The following ADAM10 variants were observed in gnomAD, a reference collection of about 807,000 sequenced individuals.
The protein encoded by ADAM10 is disintegrin and metalloproteinase domain-containing protein 10.
ADAM10 carries 17 observed loss-of-function variants against 90.1 expected under a neutral mutation model. The ratio of observed to expected loss-of-function variants is 0.19; its 90% CI spans 0.13 to 0.28. ADAM10 has a LOEUF of 0.28. Among genes scored for constraint, ADAM10 ranks in the 10% least tolerant of loss-of-function variants. ADAM10 has a pLI of 1.00. For missense variants in ADAM10, 610 were observed against 914.3 expected, an observed-to-expected ratio of 0.67 and a Z score of 4.29; for synonymous variants, 310 against 298.6, an observed-to-expected ratio of 1.04 and a Z score of -0.40.
Position 58,610,055 on chromosome 15 carries a change from A to C in ADAM10, c.2025+242T>G, listed in dbSNP as rs77847426. ...AGTAACCCATCCAGGAGATGAACTA[A>C]GGAGCACGGTAAAACAGAATGACTC... On this transcript the variant is annotated intron_variant, in intron 14 of 15. Transcript: ENST00000260408. 3.9e-3 allele frequency: 2,022 copies of C among 524,408 alleles called. 49 individuals are homozygous for C. The highest frequency in any genetic ancestry group is 0.035 in the African/African-American group (1,780 of 51,400). 32.5% of individuals were successfully genotyped at this position (524,408 alleles called of 1,614,324 possible). A position where few individuals can be genotyped will look rare whatever the true frequency, so the allele number is the denominator to read the frequency against.
chr15:58,722,663 G>C (rs1430938555), intron 1 of ADAM10, among the ~76,000 whole-genome samples: 1 of 150,222 alleles, frequency 6.7e-6, no homozygotes, highest in Non-Finnish European at 1.5e-5. Flanking sequence ...CTTGAAATCA[G>C]CCATGAAGGG....
chr15:58,713,727 G>A (rs8028872), intron 2 of ADAM10, among the ~76,000 whole-genome samples: 6,903 of 152,030 alleles, frequency 0.045, 523 homozygotes, highest in African/African-American at 0.16. Context: ...TTTCCTTAAC[G>A]ACTATGGCAC....
intron 1 of ADAM10, among the ~76,000 whole-genome samples, chr15:58,729,072 T>C (rs780597027): frequency 3.9e-5 from 6 of 151,956 alleles, no homozygotes; most frequent in African/African-American, 9.7e-5. Context: ...TAAAAGAAAA[T>C]ATGAGCCATG....
intron 15 of ADAM10, among the ~76,000 whole-genome samples, chr15:58,598,285 A>G (rs1895011285): frequency 6.6e-6 from 1 of 152,260 alleles, no homozygotes; most frequent in East Asian, 1.9e-4. Context: ...TACACATAAA[A>G]TGTTTCACTG....
chr15:58,722,535 A>AG (rs1227960838), intron 1 of ADAM10, among the ~76,000 whole-genome samples: 8 of 149,466 alleles, frequency 5.4e-5, no homozygotes, highest in Non-Finnish European at 1.2e-4. Flanking sequence ...CCTATCTCAA[A>AG]AAAAAAAAAA....
At chr15:58,660,994 C>A (rs550672428) in intron 5 of ADAM10, among the ~76,000 whole-genome samples, 1 of 152,252 alleles carries the variant, frequency 6.6e-6, no homozygotes. Flanking sequence ...TTGCTGACCC[C>A]GGCTCTACGG....
intron 14 of ADAM10, among the ~76,000 whole-genome samples, chr15:58,604,565 G>C (rs1180694891): frequency 2.6e-5 from 4 of 151,998 alleles, no homozygotes; most frequent in Non-Finnish European, 5.9e-5. Flanking sequence ...AATACCTGTT[G>C]AACTAGTTAT....
intron 10 of ADAM10, among the ~76,000 whole-genome samples, chr15:58,625,611 C>T (rs1246372973): frequency 6.6e-6 from 1 of 152,078 alleles, no homozygotes; most frequent in Non-Finnish European, 1.5e-5. Flanking sequence ...TTGTACAAAG[C>T]AAAACAAGCA....
At chr15:58,673,132 GA>G (rs879645243) in intron 4 of ADAM10, among the ~76,000 whole-genome samples, 3 of 150,698 alleles carry the variant, frequency 2.0e-5, no homozygotes, top group Non-Finnish European at 3.0e-5. Flanking sequence ...AGAGCATAAA[GA>G]AAAAAAAATA....
intron 2 of ADAM10, chr15:58,692,293 T>C (rs767103320): frequency 4.9e-6 from 3 of 608,346 alleles, no homozygotes; most frequent in Admixed American, 1.9e-5. Context: ...GAGGCTCTTG[T>C]AGAATTCTCC....
chr15:58,613,304 A>G (rs1895506195), intron 11 of ADAM10, among the ~76,000 whole-genome samples: 2 of 152,222 alleles, frequency 1.3e-5, no homozygotes, highest in African/African-American at 2.4e-5. Flanking sequence ...AGGTGAGAGT[A>G]TATCTCCATG....
intron 4 of ADAM10, among the ~76,000 whole-genome samples, chr15:58,671,777 C>T (rs753267610): frequency 1.3e-4 from 19 of 151,992 alleles, no homozygotes; most frequent in Non-Finnish European, 2.4e-4. Flanking sequence ...GTAAATATGG[C>T]TCACCTTCAA....
chr15:58,621,844 T>C (rs1159556671), intron 10 of ADAM10, among the ~76,000 whole-genome samples: 1 of 152,098 alleles, frequency 6.6e-6, no homozygotes, highest in African/African-American at 2.4e-5. Context: ...ATCTGTACAG[T>C]GAGAGGATTT....
chr15:58,706,487 G>A (rs1390681660), intron 2 of ADAM10, among the ~76,000 whole-genome samples: 1 of 152,124 alleles, frequency 6.6e-6, no homozygotes, highest in Non-Finnish European at 1.5e-5. Context: ...TTTAAGATAA[G>A]TTGCCAATAT....
In ADAM10 at chr15:58,593,211, G is replaced by T. The variant is rs904323489; in HGVS notation, c.*4336C>A. ...TTTTTTTTTTTTGAGACAGAGTCTC[G>T]CTCTGTCACCCAGGCTGGAGTGCAA... On this transcript the variant is annotated 3_prime_UTR_variant, in exon 16 of 16. Transcript: ENST00000260408. 2.9e-5 allele frequency: 3 copies of T among 102,784 alleles called. No individual in the cohort carries two copies. The highest frequency in any genetic ancestry group is 5.4e-5 in the Non-Finnish European group (3 of 55,244). The allele number at this position is 102,784 out of a possible 1,614,324, so 6.4% of individuals were successfully genotyped here.
chr15:58,737,462 A>C (rs1257692336), intron 1 of ADAM10, among the ~76,000 whole-genome samples: 1 of 152,192 alleles, frequency 6.6e-6, no homozygotes, highest in Non-Finnish European at 1.5e-5. Context: ...AAATTAGCCT[A>C]CATGTAAAGG....
chr15:58,616,559 G>A (rs1385159670), intron 11 of ADAM10, among the ~76,000 whole-genome samples: 3 of 152,116 alleles, frequency 2.0e-5, no homozygotes, highest in Admixed American at 6.5e-5. Context: ...AATTAAAAAT[G>A]AAGTTTAAAA....
At chr15:58,705,611 C>A (rs765364923) in intron 2 of ADAM10, among the ~76,000 whole-genome samples, 1 of 152,106 alleles carries the variant, frequency 6.6e-6, no homozygotes, top group African/African-American at 2.4e-5. Context: ...AATAGACATA[C>A]CAGAACCACC....
At chr15:58,683,859 C>CAA (rs71425819) in intron 2 of ADAM10, among the ~76,000 whole-genome samples, 1,896 of 65,418 alleles carry the variant, frequency 0.029, 159 homozygotes, top group African/African-American at 0.09. Context: ...GGCTCCATCT[C>CAA]AAAAAAAAAA....
Sources: allele counts gnomAD v4.1 joint callset (sites outside exome capture counted in the v4.1 genomes callset), GRCh38; gene constraint gnomAD v4.1.1; transcripts MANE v1.5; gene names NCBI Gene and HGNC (gene_info 2026-07-23, HGNC 2026-07-21).